The following MARCHF1 variants were observed in gnomAD, a reference collection of about 807,000 sequenced individuals.
The protein encoded by MARCHF1 is membrane associated ring-CH-type finger 1.
In MARCHF1, 40 loss-of-function variants were observed where a neutral mutation model predicts 54.2. The observed-to-expected ratio is 0.74, with a 90% CI of 0.57 to 0.96. MARCHF1 has a LOEUF of 0.96. Ranked by LOEUF, MARCHF1 falls within the 40% of genes least tolerant of loss-of-function variation. The probability of loss-of-function intolerance (pLI) is 0.00; values close to 1 mark genes in which losing one functional copy is unlikely to be tolerated. For synonymous variants in MARCHF1, 236 were observed against 236.3 expected (o/e 1.00, Z 0.01); for missense variants, 586 against 656.5 (o/e 0.89, Z 1.17).
chr4:163,992,228 C>T (rs1385818081), intron 2 of MARCHF1, among the ~76,000 whole-genome samples: 2 of 152,054 alleles, frequency 1.3e-5, no homozygotes, highest in African/African-American at 4.8e-5. Flanking sequence ...ATTTGTTAAG[C>T]ATCTTCTGTG....
At chr4:163,554,842 T>C (rs555720864) in intron 8 of MARCHF1, among the ~76,000 whole-genome samples, 1 of 152,220 alleles carries the variant, frequency 6.6e-6, no homozygotes, top group Non-Finnish European at 1.5e-5. Context: ...TGATTAAGAA[T>C]TTCTCTACAA....
At chr4:163,860,112 A>G (rs189986317) in intron 3 of MARCHF1, among the ~76,000 whole-genome samples, 1 of 152,352 alleles carries the variant, frequency 6.6e-6, no homozygotes, top group East Asian at 1.9e-4. Flanking sequence ...GAAGTTGCAG[A>G]ACAAACCACT....
At chr4:163,554,290 CAGT>C (rs1286141569) in intron 8 of MARCHF1, among the ~76,000 whole-genome samples, 1 of 152,236 alleles carries the variant, frequency 6.6e-6, no homozygotes, top group Non-Finnish European at 1.5e-5. Flanking sequence ...AATTGTGACT[CAGT>C]GGTGCTGCTG....
At position 164,146,942 on chromosome 4, in the gene MARCHF1, T is replaced by G. The variant is rs576668302; in HGVS notation, c.-322-35280A>C. ...CTACTCCTCTGACAAAGGGCTAATA[T>G]CCAGAATCTACAATGAACTCAAACA... On this transcript the variant is annotated intron_variant, in intron 1 of 9. Transcript: ENST00000514618. 5.8e-3 allele frequency among the ~76,000 whole-genome samples: 872 copies of G among 149,798 alleles called. 8 individuals carry two copies. The highest frequency in any genetic ancestry group is 0.02 in the African/African-American group (816 of 40,544).
chr4:163,728,243 G>A (rs1745721786), intron 4 of MARCHF1, among the ~76,000 whole-genome samples: 1 of 152,222 alleles, frequency 6.6e-6, no homozygotes, highest in Non-Finnish European at 1.5e-5. Flanking sequence ...CTTGATTGCT[G>A]TAGTTACAAT....
intron 3 of MARCHF1, among the ~76,000 whole-genome samples, chr4:163,891,132 A>C (rs1440198873): frequency 6.6e-6 from 1 of 152,078 alleles, no homozygotes; most frequent in Admixed American, 6.5e-5. Context: ...TCAGGTCGCA[A>C]TTTTGAGATC....
rs1228171597 is a variant in MARCHF1, at chr4:163,902,736, T to G, written c.-38-48567A>C. 1.3e-5 allele frequency among the ~76,000 whole-genome samples: 2 copies of G among 152,188 alleles called. 1 individual carries two copies. The highest frequency in any genetic ancestry group is 2.9e-5 in the Non-Finnish European group (2 of 68,026). ...ATTTAATCTTTGTTTCTAGAAAGCT[T>G]CCAATTGCCAGTCATGATGAACAAA... On this transcript the variant is annotated intron_variant, in intron 3 of 9. Transcript: ENST00000514618.
chr4:164,363,036 G>A (rs1004821250), intron 1 of MARCHF1, among the ~76,000 whole-genome samples: 1 of 151,946 alleles, frequency 6.6e-6, no homozygotes, highest in African/African-American at 2.4e-5. Flanking sequence ...AAGGTAAAAG[G>A]CTTATTAACA....
chr4:164,125,409 A>G (rs950548882), intron 1 of MARCHF1, among the ~76,000 whole-genome samples: 52 of 152,310 alleles, frequency 3.4e-4, no homozygotes, highest in African/African-American at 1.1e-3. Context: ...AATAGCAATC[A>G]AGCACATGAG....
intron 2 of MARCHF1, among the ~76,000 whole-genome samples, chr4:164,045,805 T>C (rs1202545951): frequency 6.6e-6 from 1 of 152,038 alleles, no homozygotes; most frequent in East Asian, 1.9e-4. Context: ...CAAGATACTT[T>C]TAACTATTTA....
intron 1 of MARCHF1, among the ~76,000 whole-genome samples, chr4:164,245,153 A>C (rs751593839): frequency 1.6e-3 from 248 of 152,194 alleles, no homozygotes; most frequent in Non-Finnish European, 3.0e-3. Context: ...GAGACACAAC[A>C]AAAAAAGAGA....
At chr4:163,609,386 T>A (rs528925177) in intron 7 of MARCHF1, among the ~76,000 whole-genome samples, 2 of 152,164 alleles carry the variant, frequency 1.3e-5, no homozygotes, top group East Asian at 3.9e-4. Flanking sequence ...TCCTCTGTCT[T>A]AGGCTCTCAC....
intron 5 of MARCHF1, among the ~76,000 whole-genome samples, chr4:163,697,428 C>A (rs1033498392): frequency 6.6e-6 from 1 of 152,162 alleles, no homozygotes; most frequent in African/African-American, 2.4e-5. Context: ...CTCTTCTGTG[C>A]ACTGTTAGTT....
intron 2 of MARCHF1, among the ~76,000 whole-genome samples, chr4:164,047,304 G>T (rs1754263311): frequency 6.6e-6 from 1 of 152,086 alleles, no homozygotes; most frequent in Non-Finnish European, 1.5e-5. Flanking sequence ...ACATGGAAAT[G>T]AGAATTCCTA....
At chr4:163,808,226 T>G (rs976343172) in intron 4 of MARCHF1, among the ~76,000 whole-genome samples, 1 of 152,172 alleles carries the variant, frequency 6.6e-6, no homozygotes, top group Admixed American at 6.5e-5. Context: ...GAAATGTCAA[T>G]TTCACTAATC....
intron 2 of MARCHF1, among the ~76,000 whole-genome samples, chr4:164,087,573 A>G (rs1755215886): frequency 6.6e-6 from 1 of 152,194 alleles, no homozygotes; most frequent in Non-Finnish European, 1.5e-5. Context: ...ATTAAAGTCA[A>G]ATAAACACAT....
chr4:164,361,317 C>T (rs1359788354), intron 1 of MARCHF1, among the ~76,000 whole-genome samples: 1 of 152,154 alleles, frequency 6.6e-6, no homozygotes, highest in East Asian at 1.9e-4. Flanking sequence ...CACAGTTATT[C>T]GAAGCTCAAA....
chr4:163,842,825 C>G (rs150344601), intron 4 of MARCHF1, among the ~76,000 whole-genome samples: 91 of 152,246 alleles, frequency 6.0e-4, no homozygotes, highest in African/African-American at 2.1e-3. Context: ...TCACTGTTTA[C>G]TGGGAATACC....
At chr4:163,688,203 A>T (rs1744330487) in intron 5 of MARCHF1, among the ~76,000 whole-genome samples, 1 of 152,172 alleles carries the variant, frequency 6.6e-6, no homozygotes, top group Admixed American at 6.5e-5. Flanking sequence ...AATTGTAACA[A>T]AAAAGAAAAA....
Sources: gnomAD v4.1 joint callset for allele counts (sites outside exome capture counted in the v4.1 genomes callset) on GRCh38, gnomAD v4.1.1 for gene constraint, MANE v1.5 for transcripts, NCBI Gene and HGNC (gene_info 2026-07-23, HGNC 2026-07-21) for gene names.